Variants in SH2B3 observed in about 807,000 individuals in gnomAD.
The protein encoded by SH2B3 is SH2B adapter protein 3.
Under a neutral mutation model 51.9 loss-of-function variants are expected in SH2B3, and 43 were observed. The observed-to-expected ratio is 0.83, with a 90% CI of 0.65 to 1.07. SH2B3 has a LOEUF of 1.07. Ranked by LOEUF, SH2B3 falls within the 50% of genes least tolerant of loss-of-function variation. The probability of loss-of-function intolerance (pLI) is 0.00; values close to 1 mark genes in which losing one functional copy is unlikely to be tolerated. For missense variants in SH2B3, 952 were observed against 834.3 expected, an observed-to-expected ratio of 1.14 and a Z score of -1.74; for synonymous variants, 396 against 376.0, an observed-to-expected ratio of 1.05 and a Z score of -0.62.
At chr12:111,414,829 C>T (rs527677857) in intron 1 of SH2B3, among the ~76,000 whole-genome samples, 2 of 152,220 alleles carry the variant, frequency 1.3e-5, no homozygotes, top group East Asian at 1.9e-4. Flanking sequence ...TTTGTAGGTT[C>T]GCATCTCCAC....
In SH2B3 at chr12:111,418,632, C is replaced by G. The variant is rs1871287516; in HGVS notation, c.487C>G (p.Pro163Ala). 3 of 1,472,648 alleles carry G rather than the reference C, an allele frequency of 2.0e-6. No individual in the cohort carries two copies. The African/African-American group carries it at 4.4e-5, about 22-fold the overall frequency. 91.2% of individuals were successfully genotyped at this position (1,472,648 alleles called of 1,614,324 possible). A position where few individuals can be genotyped will look rare whatever the true frequency, so the allele number is the denominator to read the frequency against. ...GCCAGCGGCCCACACCGCTGCCGCC[C>G]CCGGGACCCCCGGAGAGGCTGCTGA... The part of the protein sequence containing the change: ...ELPAAHTAAA[P>A]GTPGEAAETP... The change falls in exon 2 of 8, where the codon CCC (proline) becomes GCC (alanine). Residue 163 changes from proline to alanine, a missense_variant. Physicochemically the swap from Pro to Ala is conservative, Grantham distance 27. Transcript: ENST00000341259. The surrounding 1 kb of genome is among the most constrained non-coding windows in gnomAD (Gnocchi z 6.7).
At position 111,410,245 on chromosome 12, in the gene SH2B3, G is replaced by A. The variant is rs1007541355; in HGVS notation, c.-28+3968G>A. On this transcript the variant is annotated intron_variant, in intron 1 of 7. Coordinates refer to ENST00000341259, the MANE Select transcript of SH2B3 (RefSeq NM_005475.3). The surrounding 1 kb of genome is among the most constrained non-coding windows in gnomAD (Gnocchi z 4.9). ...CAAGGGGACCTCTGACATGGGATCT[G>A]CCCTTTCAGAGCTCACACACTGGTG... 1.3e-5 allele frequency among the ~76,000 whole-genome samples: 2 copies of A among 152,218 alleles called. No individual in the cohort carries two copies. Among genetic ancestry groups the A allele is most frequent in the Non-Finnish European group, 2.9e-5 (2 of 68,036 alleles).
rs539930491 is a variant in SH2B3, at chr12:111,435,096, G to A, written c.733-11657G>A. 258 of 1,268,078 alleles carry A rather than the reference G, an allele frequency of 2.0e-4. No individual in the cohort carries two copies. Among genetic ancestry groups the A allele is most frequent in the Non-Finnish European group, 2.7e-4 (244 of 914,918 alleles). 78.6% of individuals were successfully genotyped at this position (1,268,078 alleles called of 1,614,324 possible). A position where few individuals can be genotyped will look rare whatever the true frequency, so the allele number is the denominator to read the frequency against. On this transcript the variant is annotated intron_variant, in intron 2 of 7. Coordinates refer to ENST00000341259, the MANE Select transcript of SH2B3 (RefSeq NM_005475.3). The surrounding 1 kb of genome is among the most constrained non-coding windows in gnomAD (Gnocchi z 4.8). ...GGTGATGAGTCCCCTCTCCTCTGGTGCACTCTCCCCACCCGAGACGGGCGA... is the reference window on the plus strand; with the variant it reads ...GGTGATGAGTCCCCTCTCCTCTGGTACACTCTCCCCACCCGAGACGGGCGA...
At chr12:111,416,092 C>CA (rs1435100326) in intron 1 of SH2B3, among the ~76,000 whole-genome samples, 1 of 152,060 alleles carries the variant, frequency 6.6e-6, no homozygotes, top group African/African-American at 2.4e-5. Context: ...CAGGTGCCTG[C>CA]CACCACCCCC....
In SH2B3 at chr12:111,429,016, G is replaced by C. The variant is rs1472692509; in HGVS notation, c.732+10139G>C. 9.3e-6 allele frequency among the ~76,000 whole-genome samples: 1 copy of C among 107,950 alleles called. No individual in the cohort carries two copies. Among genetic ancestry groups the C allele is most frequent in the Non-Finnish European group, 1.8e-5 (1 of 54,986 alleles). 70.8% of individuals were successfully genotyped at this position (107,950 alleles called of 152,430 possible). On this transcript the variant is annotated intron_variant, in intron 2 of 7. Coordinates refer to ENST00000341259, the MANE Select transcript of SH2B3 (RefSeq NM_005475.3). This position sits in a 1 kb window ranked among gnomAD's most constrained non-coding sequence, Gnocchi z 4.4. The stretch of plus-strand genomic sequence containing the variant: ...CGGTTTCCTCTCGGGGCAGGAGTGC[G>C]AGGAGGAGGAGGAGGAGGAGGAGGA...
chr12:111,420,177 T>C (rs1420513422), intron 2 of SH2B3, among the ~76,000 whole-genome samples: 3 of 151,988 alleles, frequency 2.0e-5, no homozygotes, highest in Non-Finnish European at 4.4e-5. Flanking sequence ...TAAAAAGAAT[T>C]TGTCCTTTGG....
Position 111,448,003 on chromosome 12 carries a change from TTCCCTTTC to T in SH2B3, c.1436_1443del (p.Phe479SerfsTer21). Reference sequence around the variant, plus strand: ...CCTAGGTTCCTGCAACACGGTCCTCTTCCCTTTCTCCCTTCCTCACTGGGATTCAGAGT... The same window carrying T: ...CCTAGGTTCCTGCAACACGGTCCTCTTCCCTTCCTCACTGGGATTCAGAGT... On this transcript the variant is annotated frameshift_variant, in exon 8 of 8. Coordinates refer to ENST00000341259, the MANE Select transcript of SH2B3 (RefSeq NM_005475.3). LOFTEE classifies it high-confidence loss of function. 6.2e-7 allele frequency: 1 copy of T among 1,612,002 alleles called. No individual in the cohort carries two copies. Among genetic ancestry groups the T allele is most frequent in the Non-Finnish European group, 8.5e-7 (1 of 1,178,668 alleles).
chr12:111,428,239 C>T (rs2135565775), intron 2 of SH2B3, among the ~76,000 whole-genome samples: 1 of 152,324 alleles, frequency 6.6e-6, no homozygotes, highest in Middle Eastern at 3.4e-3. Context: ...CCACCCATGG[C>T]CTCTGATGCC....
Position 111,448,139 on chromosome 12 carries a change from C to T in SH2B3, c.1565C>T (p.Pro522Leu). 6.2e-7 allele frequency: 1 copy of T among 1,614,174 alleles called. No individual in the cohort carries two copies. The highest frequency in any genetic ancestry group is 1.6e-4 in the Middle Eastern group (1 of 6,062). The change falls in exon 8 of 8, where the codon CCC (proline) becomes CTC (leucine). Residue 522 changes from proline to leucine, a missense_variant. Transcript: ENST00000341259. ...GGTCTCCCAGGGCGATCCTCACCCC[C>T]CGAGCAGATCTTCCACCTGGTGCCT... is the stretch of plus-strand genomic sequence containing the variant. Reference protein sequence around the residue: ...PEGLPGRSSPPEQIFHLVPSP... With the variant: ...PEGLPGRSSPLEQIFHLVPSP...
intron 1 of SH2B3, among the ~76,000 whole-genome samples, chr12:111,415,481 T>A (rs1871013376): frequency 6.6e-6 from 1 of 152,166 alleles, no homozygotes; most frequent in Admixed American, 6.5e-5. Flanking sequence ...CCAGTTGAGA[T>A]GGGCAGGCAA....
At chr12:111,414,572 A>G (rs1007115055) in intron 1 of SH2B3, among the ~76,000 whole-genome samples, 3 of 151,822 alleles carry the variant, frequency 2.0e-5, no homozygotes, top group Admixed American at 1.3e-4. Flanking sequence ...CCTGGGTGAC[A>G]GAACAAGACC....
At chr12:111,442,017 T>C (rs1873460696) in intron 2 of SH2B3, among the ~76,000 whole-genome samples, 1 of 152,134 alleles carries the variant, frequency 6.6e-6, no homozygotes, top group South Asian at 2.1e-4. Flanking sequence ...CTGCAACCTC[T>C]GTCTCCCAGG....
chr12:111,447,080 C>T lies in SH2B3; in HGVS notation c.927-45C>T, dbSNP rs760524186. 141 of 1,608,538 alleles carry T rather than the reference C, an allele frequency of 8.8e-5. 3 individuals carry two copies. The South Asian group carries it at 9.3e-4, about 11-fold the overall frequency. ...CCTGGCACCACCTTTGCTGCTACCA[C>T]CCCTGACCTGCCCAGATCCTTAACC... On this transcript the variant is annotated intron_variant, in intron 4 of 7. Coordinates refer to ENST00000341259, the MANE Select transcript of SH2B3 (RefSeq NM_005475.3).
At chr12:111,405,393 TG>T (rs3842307), upstream of SH2B3, among the ~76,000 whole-genome samples, 31,011 of 152,080 alleles carry the variant, frequency 0.2, 3,286 homozygotes, top group East Asian at 0.32. The surrounding 1 kb of genome is among the most constrained non-coding windows in gnomAD (Gnocchi z 5.4). Context: ...GCTCCCTCCC[TG>T]GGGCGATGAT....
intron 2 of SH2B3, among the ~76,000 whole-genome samples, chr12:111,431,338 A>T (rs1315763357): frequency 2.6e-5 from 4 of 152,114 alleles, no homozygotes; most frequent in Admixed American, 2.6e-4. Context: ...CTAGGGAACC[A>T]CCTGGAAGGG....
chr12:111,424,607 T>A (rs541736585), intron 2 of SH2B3, among the ~76,000 whole-genome samples: 4 of 152,042 alleles, frequency 2.6e-5, no homozygotes, highest in Non-Finnish European at 5.9e-5. Context: ...TGTCACAGGC[T>A]TGGTGGTTGC....
Position 111,406,060 on chromosome 12 carries a change from G to C in SH2B3, c.-245G>C, listed in dbSNP as rs1036727805. 3 of 151,612 alleles carry C rather than the reference G, an allele frequency of 2.0e-5. No homozygotes were observed. Among genetic ancestry groups the C allele is most frequent in the Non-Finnish European group, 4.4e-5 (3 of 67,870 alleles). 9.4% of individuals were successfully genotyped at this position (151,612 alleles called of 1,614,324 possible). On this transcript the variant is annotated 5_prime_UTR_variant, in exon 1 of 8. Coordinates refer to ENST00000341259, the MANE Select transcript of SH2B3 (RefSeq NM_005475.3). The surrounding 1 kb of genome is among the most constrained non-coding windows in gnomAD (Gnocchi z 5.7). ...CGGCGGCCCGGGGGCGCATCCTCCC[G>C]CAACTGTCAAGCGCTGGCGGCGGAA...
chr12:111,424,679 C>T (rs933244038), intron 2 of SH2B3, among the ~76,000 whole-genome samples: 1 of 152,068 alleles, frequency 6.6e-6, no homozygotes, highest in Non-Finnish European at 1.5e-5. Flanking sequence ...CCTAGCCCCT[C>T]GGAGCATCAG....
At chr12:111,423,253 G>C (rs1871703759) in intron 2 of SH2B3, among the ~76,000 whole-genome samples, 1 of 152,122 alleles carries the variant, frequency 6.6e-6, no homozygotes, top group African/African-American at 2.4e-5. Flanking sequence ...CGCAAGCACA[G>C]ATAAAAAACG....
Sources: allele counts gnomAD v4.1 joint callset (sites outside exome capture counted in the v4.1 genomes callset), GRCh38; gene constraint gnomAD v4.1.1; non-coding constraint Gnocchi (gnomAD v3.1); transcripts MANE v1.5; gene names NCBI Gene and HGNC (gene_info 2026-07-23, HGNC 2026-07-21).